The following PALM2AKAP2 variants were observed in gnomAD, a reference collection of about 807,000 sequenced individuals.
The protein encoded by PALM2AKAP2 is PALM2-AKAP2 fusion protein.
Under a neutral mutation model 71.5 loss-of-function variants are expected in PALM2AKAP2, and 37 were observed. That is an observed-to-expected ratio of 0.52 (90% CI 0.40 to 0.68). The LOEUF is 0.68. Among genes scored for constraint, PALM2AKAP2 ranks in the 30% least tolerant of loss-of-function variants. The probability of loss-of-function intolerance (pLI) is 0.00; values close to 1 mark genes in which losing one functional copy is unlikely to be tolerated. For missense variants in PALM2AKAP2, 1,224 were observed against 1,191.8 expected, an observed-to-expected ratio of 1.03 and a Z score of -0.40; for synonymous variants, 468 against 478.8, an observed-to-expected ratio of 0.98 and a Z score of 0.29.
intron 1 of PALM2AKAP2, among the ~76,000 whole-genome samples, chr9:109,772,839 C>T (rs1269300605): frequency 6.6e-6 from 1 of 152,198 alleles, no homozygotes; most frequent in African/African-American, 2.4e-5. Context: ...CAAGGTCGGG[C>T]CGGGTGTAGT....
At chr9:110,125,725 TC>T in intron 1 of PALM2AKAP2, 1 of 463,626 alleles carries the variant, frequency 2.2e-6, no homozygotes, top group Non-Finnish European at 2.8e-6. Flanking sequence ...TGGAGTCCTT[TC>T]TTGCTGGAGA....
At chr9:109,934,573 T>G (rs1831179617) in intron 6 of PALM2AKAP2, among the ~76,000 whole-genome samples, 1 of 152,150 alleles carries the variant, frequency 6.6e-6, no homozygotes, top group Admixed American at 6.5e-5. Context: ...GTTGCTAGTC[T>G]TCTTGATGTA....
At chr9:109,965,457 A>T (rs1328353307) in intron 6 of PALM2AKAP2, among the ~76,000 whole-genome samples, 1 of 152,254 alleles carries the variant, frequency 6.6e-6, no homozygotes, top group African/African-American at 2.4e-5. Flanking sequence ...ACCATGAAAC[A>T]TAGTGCTAAG....
intron 1 of PALM2AKAP2, among the ~76,000 whole-genome samples, chr9:110,113,650 A>C (rs1004133501): frequency 2.6e-5 from 4 of 151,912 alleles, no homozygotes; most frequent in Admixed American, 2.6e-4. Context: ...CAGCCTCCCA[A>C]GTAGCTGGGA....
At chr9:109,664,381 C>G (rs182019826) in intron 1 of PALM2AKAP2, among the ~76,000 whole-genome samples, 5 of 152,164 alleles carry the variant, frequency 3.3e-5, no homozygotes, top group Non-Finnish European at 7.3e-5. Flanking sequence ...TAAGGCAGGC[C>G]TGGTGGTGAC....
chr9:110,061,649 G>A (rs987464195), intron 1 of PALM2AKAP2, among the ~76,000 whole-genome samples: 5 of 148,070 alleles, frequency 3.4e-5, no homozygotes, highest in Admixed American at 6.8e-5. Context: ...ATATATATAT[G>A]TGTGTGTGTA....
At chr9:110,147,984 G>A (rs1237553403) in intron 2 of PALM2AKAP2, among the ~76,000 whole-genome samples, 3 of 151,954 alleles carry the variant, frequency 2.0e-5, no homozygotes, top group African/African-American at 7.3e-5. Context: ...ACTATGATTC[G>A]AAAAACTAAA....
chr9:110,057,630 G>A (rs931155492), intron 1 of PALM2AKAP2, among the ~76,000 whole-genome samples: 1 of 151,642 alleles, frequency 6.6e-6, no homozygotes, highest in Admixed American at 6.6e-5. Flanking sequence ...CGCCTGCCTC[G>A]GCCTCCCAAA....
intron 1 of PALM2AKAP2, among the ~76,000 whole-genome samples, chr9:109,757,414 C>T (rs1828980585): frequency 6.6e-6 from 1 of 152,080 alleles, no homozygotes; most frequent in Non-Finnish European, 1.5e-5. Flanking sequence ...GGTGCCCTTA[C>T]CACTTATGAA....
chr9:109,831,311 C>G (rs1322739825), intron 1 of PALM2AKAP2, among the ~76,000 whole-genome samples: 1 of 152,142 alleles, frequency 6.6e-6, no homozygotes, highest in Non-Finnish European at 1.5e-5. Flanking sequence ...GATGAGTACT[C>G]CCCACCAGGG....
chr9:110,005,439 G>T (rs920764185), intron 6 of PALM2AKAP2, among the ~76,000 whole-genome samples: 3 of 152,212 alleles, frequency 2.0e-5, no homozygotes, highest in Non-Finnish European at 2.9e-5. Context: ...TGCCCCTCCT[G>T]GGGGGTGCCT....
intron 1 of PALM2AKAP2, among the ~76,000 whole-genome samples, chr9:110,132,041 G>A (rs945094175): frequency 1.8e-4 from 7 of 38,066 alleles, no homozygotes; most frequent in African/African-American, 7.3e-4. Flanking sequence ...GCGTGTGTGT[G>A]TGTGTGTGTG....
intron 1 of PALM2AKAP2, among the ~76,000 whole-genome samples, chr9:109,705,594 A>G (rs1828131719): frequency 6.6e-6 from 1 of 152,222 alleles, no homozygotes; most frequent in Non-Finnish European, 1.5e-5. Context: ...CCCACATTTG[A>G]GAAGATCCAA....
chr9:110,058,781 C>A (rs1386647133), intron 1 of PALM2AKAP2, among the ~76,000 whole-genome samples: 4 of 152,152 alleles, frequency 2.6e-5, no homozygotes, highest in African/African-American at 9.7e-5. Flanking sequence ...TCCTCCCTCC[C>A]CTGTCTCTCT....
rs200770899 is a variant in PALM2AKAP2, at chr9:109,670,454, CTTTT to C, written c.5+29589_5+29592del. ...TCCCTGCAAATGACATGATCTTGTT[CTTTT>C]GTGTGGCTACATAATATCCCATGGT... On this transcript the variant is annotated intron_variant, in intron 1 of 6. Coordinates refer to the PALM2AKAP2 transcript ENST00000374531. Among the ~76,000 whole-genome samples the C allele has an allele frequency of 6.8e-3, 1,038 of 152,220 alleles. 17 individuals are homozygous for C. Among genetic ancestry groups the C allele is most frequent in the African/African-American group, 0.024 (996 of 41,520 alleles).
At chr9:109,864,433 C>T (rs1829392704) in intron 1 of PALM2AKAP2, among the ~76,000 whole-genome samples, 1 of 152,214 alleles carries the variant, frequency 6.6e-6, no homozygotes, top group Non-Finnish European at 1.5e-5. Flanking sequence ...TCTGTTTCTT[C>T]CATTTGTCCT....
chr9:109,759,255 T>C (rs2025878), intron 1 of PALM2AKAP2, among the ~76,000 whole-genome samples: 101,208 of 151,920 alleles, frequency 0.67, 34,561 homozygotes, highest in African/African-American at 0.81. Context: ...TTTGGAACCC[T>C]ATTCCCAGCC....
At chr9:109,748,181 T>G (rs1828832117) in intron 1 of PALM2AKAP2, among the ~76,000 whole-genome samples, 1 of 152,214 alleles carries the variant, frequency 6.6e-6, no homozygotes, top group Non-Finnish European at 1.5e-5. Context: ...TTTTTTTCTT[T>G]TTTTAACTGT....
chr9:110,020,039 T>C (rs1564263871), intron 7 of PALM2AKAP2, among the ~76,000 whole-genome samples: 1 of 152,262 alleles, frequency 6.6e-6, no homozygotes, highest in Non-Finnish European at 1.5e-5. Flanking sequence ...TACATTTAGC[T>C]ATAGCTATTC....
Sources: gnomAD v4.1 joint callset for allele counts (sites outside exome capture counted in the v4.1 genomes callset) on GRCh38, gnomAD v4.1.1 for gene constraint, MANE v1.5 for transcripts, NCBI Gene and HGNC (gene_info 2026-07-23, HGNC 2026-07-21) for gene names.